Variants in PLEKHG4B observed in about 807,000 individuals in gnomAD.
PLEKHG4B encodes pleckstrin homology and RhoGEF domain containing G4B, also known as pleckstrin homology domain-containing family G member 4B.
A neutral mutation model predicts 121.3 loss-of-function variants in PLEKHG4B; 111 were observed. That is an observed-to-expected ratio of 0.92 (90% CI 0.78 to 1.07). The LOEUF (loss-of-function observed/expected upper bound fraction) is 1.07, where lower values mean the gene tolerates loss of function less well. Ranked by LOEUF, PLEKHG4B falls within the 50% of genes least tolerant of loss-of-function variation. The pLI, the probability that PLEKHG4B is intolerant of heterozygous loss-of-function variation, is 0.00. For missense variants in PLEKHG4B, 1,831 were observed against 1,757.8 expected, an observed-to-expected ratio of 1.04 and a Z score of -0.74; for synonymous variants, 738 against 725.0, an observed-to-expected ratio of 1.02 and a Z score of -0.29.
chr5:113,295 C>T lies in PLEKHG4B; in HGVS notation c.90C>T (p.Ala30=). The change falls in exon 2 of 20, where the codon GCC becomes GCT. Residue 30 remains alanine (A), a synonymous_variant. Coordinates refer to ENST00000637938, the MANE Select transcript of PLEKHG4B (RefSeq NM_052909.5). The surrounding 1 kb of genome is among the most constrained non-coding windows in gnomAD (Gnocchi z 5.2). ...LDACIQRTLS[A]LYPPFEATAA... ...CCTGTATCCAGAGGACGCTCTCTGC[C>T]TTGTACCCACCGTTTGAAGCCACGG... is the stretch of plus-strand genomic sequence containing the variant. 1 of 399,108 alleles carries T rather than the reference C, an allele frequency of 2.5e-6. No individual in the cohort carries two copies. Among genetic ancestry groups the T allele is most frequent in the South Asian group, 1.3e-4 (1 of 7,860 alleles). 24.7% of individuals were successfully genotyped at this position (399,108 alleles called of 1,614,324 possible).
chr5:173,949 G>A lies in PLEKHG4B; in HGVS notation c.4253G>A (p.Gly1418Glu). The stretch of plus-strand genomic sequence containing the variant: ...GAGATCGGGATGACAGAGAACGTCG[G>A]GGACAGTGGCTTGAGGTTTGAGATT... ...TAEIGMTENV[G>E]DSGLRFEIWF... Residue 1418 changes from glycine to glutamate, a missense_variant, in exon 18 of 20, where the codon GGG (glycine) becomes GAG (glutamate). Gly to Glu is a moderately conservative substitution (Grantham distance 98, BLOSUM62 -2). Transcript: ENST00000637938. The A allele has an allele frequency of 6.2e-7, 1 of 1,613,648 alleles. No individual in the cohort carries two copies. Among genetic ancestry groups the A allele is most frequent in the Admixed American group, 1.7e-5 (1 of 59,966 alleles).
chr5:95,108 C>A (rs187377972), intron 1 of PLEKHG4B, among the ~76,000 whole-genome samples: 2 of 152,316 alleles, frequency 1.3e-5, no homozygotes, highest in Admixed American at 1.3e-4. Flanking sequence ...CTTTTGAATT[C>A]TTTTTGATTG....
At position 156,991 on chromosome 5, in the gene PLEKHG4B, A is replaced by G. The variant is rs1039469342; in HGVS notation, c.2487+80A>G. The stretch of plus-strand genomic sequence containing the variant: ...GCCAAGGCAACCCTCTCACCTTCAC[A>G]CTGTGTCTTTAGGGCCTTGATCTGA... On this transcript the variant is annotated intron_variant, in intron 11 of 19. Transcript: ENST00000637938. This position sits in a 1 kb window ranked among gnomAD's most constrained non-coding sequence, Gnocchi z 4.4. The G allele has an allele frequency of 2.6e-6, 4 of 1,542,158 alleles. No homozygotes were observed. The highest frequency in any genetic ancestry group is 1.4e-5 in the African/African-American group (1 of 73,212).
chr5:149,118 A>G (rs1449621819), intron 6 of PLEKHG4B, among the ~76,000 whole-genome samples: 1 of 152,264 alleles, frequency 6.6e-6, no homozygotes, highest in Non-Finnish European at 1.5e-5. Flanking sequence ...TAAAACGTTT[A>G]GAAGACAACA....
chr5:154,452 C>T lies in PLEKHG4B; in HGVS notation c.1993-423C>T, dbSNP rs904489019. 2.1e-5 allele frequency among the ~76,000 whole-genome samples: 3 copies of T among 146,072 alleles called. No individual in the cohort carries two copies. In the East Asian group the frequency reaches 5.8e-4, roughly 28 times the overall value. The stretch of plus-strand genomic sequence containing the variant: ...TGGGAACTCGCCCCTGCTGGCCCCG[C>T]ATGCATCAGGTGCCCCAACAATGAG... On this transcript the variant is annotated intron_variant, in intron 7 of 19. Transcript: ENST00000637938.
intron 1 of PLEKHG4B, among the ~76,000 whole-genome samples, chr5:110,719 G>A (rs1384629899): frequency 6.8e-6 from 1 of 147,400 alleles, no homozygotes; most frequent in Non-Finnish European, 1.5e-5. Context: ...AATGCAACAC[G>A]TGTGCACACA....
At chr5:175,275 C>T (rs13154323) in intron 18 of PLEKHG4B, among the ~76,000 whole-genome samples, 63,475 of 151,788 alleles carry the variant, frequency 0.42, 14,748 homozygotes, top group South Asian at 0.62. Flanking sequence ...CCCTAGGATC[C>T]CTTCCCCAGG....
chr5:143,231 G>T lies in PLEKHG4B; in HGVS notation c.1662G>T (p.Leu554=). 6.2e-7 allele frequency: 1 copy of T among 1,610,604 alleles called. No individual in the cohort carries two copies. The change falls in exon 4 of 20, where the codon CTG becomes CTT. Residue 554 remains leucine, a synonymous_variant. Coordinates refer to ENST00000637938, the MANE Select transcript of PLEKHG4B (RefSeq NM_052909.5). ...TGCTGGACGTCAGTCAGGAGCTGCT[G>T]CAGTCCGGGGTCGTCACCCTCCCAG... ...KQVLDVSQEL[L]QSGVVTLPGT...
Position 110,603 on chromosome 5 carries a change from C to T in PLEKHG4B, c.46-2648C>T, listed in dbSNP as rs549990613. On this transcript the variant is annotated intron_variant, in intron 1 of 19. Coordinates refer to ENST00000637938, the MANE Select transcript of PLEKHG4B (RefSeq NM_052909.5). ...GCACACATCCACACAATCTGCAACA[C>T]GTGTGCACACACCGGCCACTCTGCA... Among the ~76,000 whole-genome samples the T allele has an allele frequency of 1.1e-4, 16 of 145,698 alleles. 1 individual carries two copies. Among genetic ancestry groups the T allele is most frequent in the African/African-American group, 3.3e-4 (13 of 39,336 alleles).
At chr5:135,591 T>C (rs1194017175) in intron 2 of PLEKHG4B, among the ~76,000 whole-genome samples, 2 of 141,382 alleles carry the variant, frequency 1.4e-5, no homozygotes, top group Non-Finnish European at 3.1e-5. Flanking sequence ...GCATGAACCC[T>C]GGAGGCAGAG....
At chr5:99,170 G>GTA (rs534174768) in intron 1 of PLEKHG4B, among the ~76,000 whole-genome samples, 1,215 of 100,254 alleles carry the variant, frequency 0.012, 5 homozygotes, top group African/African-American at 0.018. Context: ...AAAAAAAAGT[G>GTA]TATATATATA....
chr5:145,842 C>T (rs1378820015), intron 6 of PLEKHG4B, among the ~76,000 whole-genome samples: 1 of 152,048 alleles, frequency 6.6e-6, no homozygotes, highest in Non-Finnish European at 1.5e-5. Flanking sequence ...CTCCCATGCC[C>T]CACCTGCACT....
chr5:126,789 A>C (rs940771773), intron 2 of PLEKHG4B, among the ~76,000 whole-genome samples: 2 of 152,158 alleles, frequency 1.3e-5, no homozygotes, highest in Non-Finnish European at 2.9e-5. Context: ...GAGGTTTAAT[A>C]GGCAAAAGAA....
chr5:106,522 TTGG>T (rs1440106341), intron 1 of PLEKHG4B, among the ~76,000 whole-genome samples: 1 of 152,250 alleles, frequency 6.6e-6, no homozygotes, highest in Non-Finnish European at 1.5e-5. Flanking sequence ...CCAACAGTAC[TTGG>T]TGGCCGATTT....
rs1004713901 is a variant in PLEKHG4B at position 162,834 on chromosome 5, C to A, written c.2762C>A (p.Pro921His). The A allele has an allele frequency of 6.0e-6, 9 of 1,512,460 alleles. No individual in the cohort carries two copies. The highest frequency in any genetic ancestry group is 8.0e-6 in the Non-Finnish European group (9 of 1,130,224). 93.7% of individuals were successfully genotyped at this position (1,512,460 alleles called of 1,614,324 possible). ...EATSVAAEAF[P>H]GAGVAVLKPH... The stretch of plus-strand genomic sequence containing the variant: ...ACCTCGGTGGCTGCAGAGGCCTTCC[C>A]CGGGGCAGGTGTGGCAGTGCTGAAG... Residue 921 changes from proline to histidine, a missense_variant, in exon 13 of 20, where the codon CCC becomes CAC. By Grantham distance (77) the Pro-to-His change is moderately conservative. Coordinates refer to ENST00000637938, the MANE Select transcript of PLEKHG4B (RefSeq NM_052909.5).
At chr5:170,999 G>A (rs1234331031) in intron 14 of PLEKHG4B, 44 bp from the exon 15 acceptor site, 1 of 1,525,674 alleles carries the variant, frequency 6.6e-7, no homozygotes, top group Non-Finnish European at 9.0e-7. Context: ...GCTGTCTCTG[G>A]GCCTGTCACT....
rs187008125 is a variant in PLEKHG4B at position 117,778 on chromosome 5, A to C, written c.243+4330A>C. 2.6e-3 allele frequency among the ~76,000 whole-genome samples: 393 copies of C among 152,282 alleles called. 1 individual carries two copies. The highest frequency in any genetic ancestry group is 0.014 in the Middle Eastern group (4 of 294). On this transcript the variant is annotated intron_variant, in intron 2 of 19. Coordinates refer to ENST00000637938, the MANE Select transcript of PLEKHG4B (RefSeq NM_052909.5). ...TGAGGCAGGAGAATCTCTTGAACCC[A>C]GGAGATAGAAGTTGCAGTGAGCTAG...
chr5:163,219 C>T lies in PLEKHG4B; in HGVS notation c.3147C>T (p.Thr1049=), dbSNP rs1338286589. The change falls in exon 13 of 20, where the codon ACC becomes ACT. Residue 1049 remains threonine (T), a synonymous_variant. Transcript: ENST00000637938. ...GGGGCCTTCCAGGGGCAGGGGCCAC[C>T]ACGGCCCACCTGGAGGACAGCTCTG... The part of the protein sequence containing the change: ...LLRGLPGAGA[T]TAHLEDSSAC... The T allele has an allele frequency of 2.5e-6, 4 of 1,600,040 alleles. No individual in the cohort carries two copies. Among genetic ancestry groups the T allele is most frequent in the Admixed American group, 1.7e-5 (1 of 58,950 alleles).
At chr5:180,138 T>C (rs1243895251) in intron 18 of PLEKHG4B, among the ~76,000 whole-genome samples, 3 of 152,152 alleles carry the variant, frequency 2.0e-5, no homozygotes, top group Admixed American at 6.5e-5. Context: ...GTAGTAGATA[T>C]GATGTAGGAA....
Sources: gnomAD v4.1 joint callset for allele counts (sites outside exome capture counted in the v4.1 genomes callset) on GRCh38, gnomAD v4.1.1 for gene constraint, Gnocchi (gnomAD v3.1) non-coding constraint, MANE v1.5 for transcripts, NCBI Gene and HGNC (gene_info 2026-07-23, HGNC 2026-07-21) for gene names.